Variants in NRG3 observed in about 807,000 individuals in gnomAD.
The protein encoded by NRG3 is pro-neuregulin-3, membrane-bound isoform.
NRG3 carries 31 observed loss-of-function variants against 66.9 expected under a neutral mutation model. That is an observed-to-expected ratio of 0.46 (90% confidence interval 0.35 to 0.63). The LOEUF (loss-of-function observed/expected upper bound fraction) is 0.63. NRG3 is among the 20% of genes least tolerant of loss of function. NRG3 has a pLI of 0.00. For missense variants in NRG3, 910 were observed against 878.9 expected (o/e 1.04, Z -0.45); for synonymous variants, 393 against 359.4 (o/e 1.09, Z -1.06).
chr10:82,962,863 A>G (rs11814950), intron 6 of NRG3, among the ~76,000 whole-genome samples: 13,763 of 152,084 alleles, frequency 0.09, 822 homozygotes, highest in African/African-American at 0.16. Flanking sequence ...AAAAAAACAA[A>G]ACCAAAAAAG....
At chr10:81,995,985 C>G (rs2060925988) in intron 1 of NRG3, among the ~76,000 whole-genome samples, 1 of 152,094 alleles carries the variant, frequency 6.6e-6, no homozygotes, top group Non-Finnish European at 1.5e-5. Flanking sequence ...TGCTCATGAT[C>G]CTTTACATCC....
intron 2 of NRG3, among the ~76,000 whole-genome samples, chr10:82,670,960 C>A (rs1476428134): frequency 6.6e-6 from 1 of 152,118 alleles, no homozygotes; most frequent in African/African-American, 2.4e-5. Flanking sequence ...AGAGATGAAC[C>A]CTGAAGCCTG....
At chr10:81,901,044 C>G (rs568868624) in intron 1 of NRG3, among the ~76,000 whole-genome samples, 3 of 152,200 alleles carry the variant, frequency 2.0e-5, no homozygotes, top group African/African-American at 7.2e-5. Context: ...AAGACAATTC[C>G]CTACTCTCTC....
chr10:82,247,641 A>T (rs1211848735), intron 1 of NRG3, among the ~76,000 whole-genome samples: 1 of 152,160 alleles, frequency 6.6e-6, no homozygotes, highest in Non-Finnish European at 1.5e-5. Context: ...CCAGAAAAAC[A>T]TTAGAATACA....
chr10:81,979,360 T>C (rs1014932499), intron 1 of NRG3, among the ~76,000 whole-genome samples: 1 of 152,226 alleles, frequency 6.6e-6, no homozygotes, highest in African/African-American at 2.4e-5. Context: ...TTCTAAAATC[T>C]TGCTCATATC....
intron 2 of NRG3, among the ~76,000 whole-genome samples, chr10:82,374,634 G>A (rs1017834581): frequency 5.9e-5 from 9 of 152,148 alleles, no homozygotes; most frequent in African/African-American, 2.2e-4. Flanking sequence ...TAGGTCTGGG[G>A]TGGGGCCTGG....
intron 1 of NRG3, among the ~76,000 whole-genome samples, chr10:82,035,453 T>G (rs1165992872): frequency 6.6e-6 from 1 of 152,166 alleles, no homozygotes; most frequent in African/African-American, 2.4e-5. Flanking sequence ...AGTAGAAAAT[T>G]TGTATCCTCA....
At chr10:82,726,396 G>A (rs2057601168) in intron 2 of NRG3, among the ~76,000 whole-genome samples, 1 of 152,122 alleles carries the variant, frequency 6.6e-6, no homozygotes, top group African/African-American at 2.4e-5. Flanking sequence ...GGACCCAGTG[G>A]GAGGTAATTG....
intron 6 of NRG3, among the ~76,000 whole-genome samples, chr10:82,962,629 G>A (rs1051647445): frequency 1.1e-4 from 16 of 152,068 alleles, no homozygotes; most frequent in South Asian, 2.1e-4. Context: ...ACCTGAGGTC[G>A]GGAGTTCAAG....
At chr10:82,553,753 A>G (rs531526070) in intron 2 of NRG3, among the ~76,000 whole-genome samples, 76 of 152,246 alleles carry the variant, frequency 5.0e-4, no homozygotes, top group Non-Finnish European at 9.1e-4. Context: ...GTTTCTTGTT[A>G]GATACTTGAA....
At chr10:82,574,047 G>C (rs1248285532) in intron 2 of NRG3, among the ~76,000 whole-genome samples, 1 of 151,708 alleles carries the variant, frequency 6.6e-6, no homozygotes, top group Admixed American at 6.6e-5. Context: ...ATATCCAAAT[G>C]AAATGAAATC....
chr10:82,020,557 G>A (rs1315163337), intron 1 of NRG3, among the ~76,000 whole-genome samples: 7 of 152,086 alleles, frequency 4.6e-5, no homozygotes, highest in Admixed American at 2.0e-4. Context: ...ACGTAAAATA[G>A]TTCTAAGAAG....
At chr10:82,699,073 A>C (rs2055626008) in intron 2 of NRG3, among the ~76,000 whole-genome samples, 1 of 152,098 alleles carries the variant, frequency 6.6e-6, no homozygotes, top group African/African-American at 2.4e-5. Flanking sequence ...TGAAATACGA[A>C]TGTATTATGG....
chr10:82,248,071 A>G (rs1328969553), intron 1 of NRG3, among the ~76,000 whole-genome samples: 2 of 152,124 alleles, frequency 1.3e-5, no homozygotes, highest in African/African-American at 2.4e-5. Context: ...CCAATGGCCC[A>G]TCTTTCTTAT....
chr10:82,106,410 T>C (rs4140411), intron 1 of NRG3, among the ~76,000 whole-genome samples: 125,705 of 152,158 alleles, frequency 0.83, 52,028 homozygotes, highest in East Asian at 0.9. Flanking sequence ...ATCAGGCTTA[T>C]AAACCCAGGA....
chr10:82,591,858 T>G (rs2133314971), intron 2 of NRG3, among the ~76,000 whole-genome samples: 1 of 152,334 alleles, frequency 6.6e-6, no homozygotes, highest in African/African-American at 2.4e-5. Flanking sequence ...ATTCAGTTAC[T>G]TCTATCTTAC....
chr10:82,556,532 G>A (rs1044563777), intron 2 of NRG3, among the ~76,000 whole-genome samples: 3 of 152,136 alleles, frequency 2.0e-5, no homozygotes, highest in Non-Finnish European at 4.4e-5. Context: ...CCGACCAATG[G>A]CATCTGCCCT....
At position 82,670,264 on chromosome 10, in the gene NRG3, C is replaced by G. The variant is rs150672837; in HGVS notation, c.954-68313C>G. ...TTTCACATCTCTGTTTTTTTTCTATCTCTCCCTCACAAATCAATATTCTCC... is the reference window on the plus strand; with the variant it reads ...TTTCACATCTCTGTTTTTTTTCTATGTCTCCCTCACAAATCAATATTCTCC... On this transcript the variant is annotated intron_variant, in intron 2 of 8. Coordinates refer to ENST00000372141, the MANE Select transcript of NRG3 (RefSeq NM_001010848.4). Among the ~76,000 whole-genome samples, 1,051 of 151,938 alleles carry G rather than the reference C, an allele frequency of 6.9e-3. 16 individuals are homozygous for G. The highest frequency in any genetic ancestry group is 0.024 in the African/African-American group (1,013 of 41,440).
Position 82,536,626 on chromosome 10 carries a change from C to T in NRG3, c.953+177758C>T, listed in dbSNP as rs185633536. ...CCCATTTTCTTCTCTTGCTTGGACT[C>T]AGAGATAACAGATTTGTGCTTAATT... On this transcript the variant is annotated intron_variant, in intron 2 of 8. Coordinates refer to ENST00000372141, the MANE Select transcript of NRG3 (RefSeq NM_001010848.4). Among the ~76,000 whole-genome samples the T allele has an allele frequency of 2.6e-5, 4 of 151,218 alleles. No individual in the cohort carries two copies. In the East Asian group the frequency reaches 7.9e-4, roughly 30 times the overall value.
Sources: gnomAD v4.1 joint callset for allele counts (sites outside exome capture counted in the v4.1 genomes callset) on GRCh38, gnomAD v4.1.1 for gene constraint, MANE v1.5 for transcripts, NCBI Gene and HGNC (gene_info 2026-07-23, HGNC 2026-07-21) for gene names.